The following FGR variants were observed in gnomAD, a reference collection of about 807,000 sequenced individuals.
The protein encoded by FGR is tyrosine-protein kinase Fgr.
FGR carries 26 observed loss-of-function variants against 63.2 expected under a neutral mutation model. The ratio of observed to expected loss-of-function variants is 0.41; its 90% CI spans 0.30 to 0.57. The LOEUF is 0.57. FGR is among the 20% of genes least tolerant of loss of function. FGR has a pLI of 0.27. For missense variants in FGR, 511 were observed against 690.8 expected, an observed-to-expected ratio of 0.74 and a Z score of 2.92; for synonymous variants, 286 against 277.7, an observed-to-expected ratio of 1.03 and a Z score of -0.30.
At chr1:27,624,026 G>T in intron 2 of FGR, 97 bp from the exon 3 acceptor site, 2 of 1,084,202 alleles carry the variant, frequency 1.8e-6, no homozygotes, top group Non-Finnish European at 2.6e-6. Context: ...ATACAGGCAC[G>T]TGGCTTTCCC....
intron 4 of FGR, 92 bp from the exon 5 acceptor site, chr1:27,621,749 A>G (rs2089931391): frequency 6.7e-6 from 6 of 892,666 alleles, no homozygotes; most frequent in Non-Finnish European, 9.4e-6. Context: ...GCAGAGATGA[A>G]TCCTGCCAAA....
intron 1 of FGR, among the ~76,000 whole-genome samples, chr1:27,631,667 T>C (rs1004484878): frequency 1.3e-4 from 20 of 152,310 alleles, no homozygotes; most frequent in Admixed American, 1.3e-4. Flanking sequence ...CAGTGAACTT[T>C]CACTTCCCTC....
At position 27,626,434 on chromosome 1, in the gene FGR, T is replaced by A. The variant is rs115628193; in HGVS notation, c.-76-1283A>T. The A allele has an allele frequency of 2.5e-3, 921 of 372,058 alleles. 7 individuals are homozygous for A. The highest frequency in any genetic ancestry group is 0.018 in the African/African-American group (865 of 48,292). 23.0% of individuals were successfully genotyped at this position (372,058 alleles called of 1,614,324 possible). On this transcript the variant is annotated intron_variant, in intron 1 of 12. Coordinates refer to ENST00000374005, the MANE Select transcript of FGR (RefSeq NM_005248.3). ...TTCTCTTCCTCTTCTCTCTGGGTCCTATCCTTTCTACCTAGCACCACTCAC... is the reference window on the plus strand; with the variant it reads ...TTCTCTTCCTCTTCTCTCTGGGTCCAATCCTTTCTACCTAGCACCACTCAC...
chr1:27,632,345 C>A (rs1273653509), intron 1 of FGR, among the ~76,000 whole-genome samples: 2 of 152,004 alleles, frequency 1.3e-5, no homozygotes, highest in Non-Finnish European at 2.9e-5. Flanking sequence ...GTCATGTTGG[C>A]CAGGCTGTTC....
Position 27,614,375 on chromosome 1 carries a change from A to G in FGR, c.1249+55T>C, listed in dbSNP as rs546381547. The G allele has an allele frequency of 6.3e-6, 10 of 1,576,046 alleles. No homozygotes were observed. The Admixed American group carries it at 8.7e-5, about 14-fold the overall frequency. ...AGGGTTCCTGAGTGCGTGGGGCCCC[A>G]TGGAAGTCCCTTGTTGCATGGGGAG... On this transcript the variant is annotated intron_variant, in intron 11 of 12. Transcript: ENST00000374005.
chr1:27,615,048 G>C lies in FGR; in HGVS notation c.1019-122C>G, dbSNP rs994651397. On this transcript the variant is annotated intron_variant, in intron 9 of 12. Transcript: ENST00000374005. This position sits in a 1 kb window ranked among gnomAD's most constrained non-coding sequence, Gnocchi z 7.6. ...ACCCGCCCCTCACTTAGGACCCCGC[G>C]GGTGCCTCAACCCCTCACTTGTCTC... The C allele has an allele frequency of 2.7e-6, 2 of 727,766 alleles. No homozygotes were observed. The highest frequency in any genetic ancestry group is 2.0e-5 in the African/African-American group (1 of 49,362). The allele number at this position is 727,766 out of a possible 1,614,324, so 45.1% of individuals were successfully genotyped here.
Position 27,616,275 on chromosome 1 carries a change from C to G in FGR, c.683-431G>C, listed in dbSNP as rs1357546223. On this transcript the variant is annotated intron_variant, in intron 7 of 12. Transcript: ENST00000374005. The surrounding 1 kb of genome is among the most constrained non-coding windows in gnomAD (Gnocchi z 4.3). ...TTGACTCCTGCCTTCCCTTCACCCC[C>G]ACAGCCAATTCTCCACCAAGTCAGG... is the stretch of plus-strand genomic sequence containing the variant. 6.6e-6 allele frequency among the ~76,000 whole-genome samples: 1 copy of G among 152,216 alleles called. No homozygotes were observed.
At chr1:27,619,740 C>T (rs1557731943) in intron 5 of FGR, among the ~76,000 whole-genome samples, 1 of 152,216 alleles carries the variant, frequency 6.6e-6, no homozygotes, top group Non-Finnish European at 1.5e-5. Context: ...CTCCACAAAC[C>T]ACAATCCAAC....
intron 4 of FGR, 144 bp from the exon 5 acceptor site, chr1:27,621,801 C>T (rs2089933748): frequency 1.5e-6 from 1 of 654,062 alleles, no homozygotes; most frequent in African/African-American, 1.8e-5. Context: ...CTTTTGTCCG[C>T]TCTGCCCCAG....
At chr1:27,619,254 G>A (rs921096672) in intron 5 of FGR, among the ~76,000 whole-genome samples, 1 of 151,962 alleles carries the variant, frequency 6.6e-6, no homozygotes, top group Non-Finnish European at 1.5e-5. Flanking sequence ...GCAGTGGCTC[G>A]ATCTCAGCTC....
chr1:27,618,495 G>A (rs959380657), intron 5 of FGR, among the ~76,000 whole-genome samples: 2 of 152,086 alleles, frequency 1.3e-5, no homozygotes, highest in Non-Finnish European at 2.9e-5. Flanking sequence ...CACACTACCC[G>A]TAACCACAAC....
chr1:27,617,176 C>A lies in FGR; in HGVS notation c.532+17G>T. ...GCTGGGCCTCCCAGTCGCCTTGGGG[C>A]GTGGCACCACCCCTACCTTTGGTGG... On this transcript the variant is annotated intron_variant, in intron 6 of 12. Coordinates refer to ENST00000374005, the MANE Select transcript of FGR (RefSeq NM_005248.3). The surrounding 1 kb of genome is among the most constrained non-coding windows in gnomAD (Gnocchi z 4.5). 3 of 1,610,004 alleles carry A rather than the reference C, an allele frequency of 1.9e-6. No individual in the cohort carries two copies. Among genetic ancestry groups the A allele is most frequent in the Non-Finnish European group, 2.6e-6 (3 of 1,176,314 alleles).
In FGR at chr1:27,621,605, T is replaced by A; in HGVS notation, c.382A>T (p.Ile128Phe). Reference sequence around the variant, plus strand: ...ACAGGGGCCACGTAGTTGCTGGGAATGCAGCCAGTTTTTCCGGAGCTGAGA... The same window carrying A: ...ACAGGGGCCACGTAGTTGCTGGGAAAGCAGCCAGTTTTTCCGGAGCTGAGA... Reference protein sequence around the residue: ...RSLSSGKTGCIPSNYVAPVDS... With the variant: ...RSLSSGKTGCFPSNYVAPVDS... Residue 128 changes from isoleucine to phenylalanine, a missense_variant, in exon 5 of 13, where the codon ATT becomes TTT. Ile to Phe is a conservative substitution (Grantham distance 21). Transcript: ENST00000374005. 1.2e-6 allele frequency: 2 copies of A among 1,613,998 alleles called. No homozygotes were observed. Among genetic ancestry groups the A allele is most frequent in the Non-Finnish European group, 1.7e-6 (2 of 1,179,964 alleles).
chr1:27,635,006 G>A (rs1018565828), intron 1 of FGR, 59 bp downstream of exon 1: 2 of 152,298 alleles, frequency 1.3e-5, no homozygotes, highest in Non-Finnish European at 2.9e-5. Flanking sequence ...TCTCTCCAGA[G>A]CCTCGAGGGG....
rs752493866 is a variant in FGR, at chr1:27,614,583, C to T, written c.1096G>A (p.Val366Ile). Reference sequence around the variant, plus strand: ...TCCATGTAGGCCATGCCCTCAGCTACCTGGGGGACCATAGTGTGGAGAGAT... The same window carrying T: ...TCCATGTAGGCCATGCCCTCAGCTATCTGGGGGACCATAGTGTGGAGAGAT... ...LPQLVDMAAQ[V>I]AEGMAYMERM... The change falls in exon 11 of 13, where the codon GTA becomes ATA. Residue 366 changes from valine (V) to isoleucine (I), a missense_variant and splice_region_variant. Physicochemically the swap from Val to Ile is conservative, Grantham distance 29. Coordinates refer to ENST00000374005, the MANE Select transcript of FGR (RefSeq NM_005248.3). The T allele has an allele frequency of 8.1e-6, 13 of 1,613,724 alleles. No individual in the cohort carries two copies. In the South Asian group the frequency reaches 1.4e-4, roughly 18 times the overall value.
intron 1 of FGR, among the ~76,000 whole-genome samples, chr1:27,632,882 AG>A: frequency 6.6e-6 from 1 of 152,204 alleles, no homozygotes; most frequent in South Asian, 2.1e-4. Context: ...ACCTTAGGTC[AG>A]CCCAGTCTGC....
intron 5 of FGR, among the ~76,000 whole-genome samples, chr1:27,619,269 C>T (rs955254023): frequency 6.6e-6 from 1 of 152,192 alleles, no homozygotes; most frequent in Admixed American, 6.5e-5. Context: ...CAGCTCACTG[C>T]AACCTCCACC....
intron 4 of FGR, among the ~76,000 whole-genome samples, chr1:27,622,515 TA>T (rs1369784085): frequency 1.3e-5 from 2 of 152,128 alleles, no homozygotes; most frequent in African/African-American, 2.4e-5. Flanking sequence ...ATTATTTATT[TA>T]TTTTTTTGAA....
chr1:27,625,400 C>T (rs1050852936), intron 1 of FGR, among the ~76,000 whole-genome samples: 5 of 152,192 alleles, frequency 3.3e-5, no homozygotes, highest in Admixed American at 6.5e-5. Context: ...CACACAATAA[C>T]ACTCACAGCA....
Sources: gnomAD v4.1 joint callset for allele counts (sites outside exome capture counted in the v4.1 genomes callset) on GRCh38, gnomAD v4.1.1 for gene constraint, Gnocchi (gnomAD v3.1) non-coding constraint, MANE v1.5 for transcripts, NCBI Gene and HGNC (gene_info 2026-07-23, HGNC 2026-07-21) for gene names.